Variants in NEK9 observed in about 807,000 individuals in gnomAD.
The protein encoded by NEK9 is NIMA related kinase 9.
A neutral mutation model predicts 123.4 loss-of-function variants in NEK9; 75 were observed. The observed-to-expected ratio is 0.61, with a 90% CI of 0.50 to 0.74. The LOEUF (loss-of-function observed/expected upper bound fraction) is 0.74. Among genes scored for constraint, NEK9 ranks in the 30% least tolerant of loss-of-function variants. NEK9 has a pLI of 0.00. For synonymous variants in NEK9, 438 were observed against 458.7 expected, an observed-to-expected ratio of 0.95 and a Z score of 0.58; for missense variants, 952 against 1,214.4, an observed-to-expected ratio of 0.78 and a Z score of 3.21.
intron 5 of NEK9, among the ~76,000 whole-genome samples, chr14:75,118,215 A>C (rs1895203473): frequency 6.6e-6 from 1 of 152,200 alleles, no homozygotes; most frequent in Non-Finnish European, 1.5e-5. Flanking sequence ...TTAAAAAAAA[A>C]ATTATTGGCC....
intron 10 of NEK9, among the ~76,000 whole-genome samples, chr14:75,109,006 A>C (rs997039979): frequency 3.3e-5 from 5 of 152,234 alleles, no homozygotes; most frequent in Non-Finnish European, 5.9e-5. Flanking sequence ...CAACTATGTC[A>C]AATGCTGCCG....
rs1286012917 is a variant in NEK9 at position 75,095,405 on chromosome 14, G to A, written c.2200C>T (p.Arg734Cys). ...VEKVLNSKTIRSNSSGLSIGT... is the reference protein window; with the variant it reads ...VEKVLNSKTICSNSSGLSIGT... ...ATGGATAAGCCACTGCTATTGGAAC[G>A]GATGGTCTTAGAATTCAATACTTTC... Residue 734 changes from arginine (R) to cysteine (C), a missense_variant, in exon 18 of 22, where the codon CGT (arginine) becomes TGT (cysteine). By Grantham distance (180) the Arg-to-Cys change is radical. Around this residue, in one of 4 missense-constraint regions of NEK9, gnomAD observed 698 missense variants for 875.6 expected, o/e 0.80. Transcript: ENST00000238616. The A allele has an allele frequency of 6.2e-6, 10 of 1,613,072 alleles. No individual in the cohort carries two copies. Among genetic ancestry groups the A allele is most frequent in the Admixed American group, 3.3e-5 (2 of 59,954 alleles).
chr14:75,114,444 T>C, intron 6 of NEK9, 131 bp from the exon 7 acceptor site: 1 of 687,782 alleles, frequency 1.5e-6, no homozygotes, highest in South Asian at 1.8e-5. Flanking sequence ...TTGTTATAAC[T>C]ACTAGTATGC....
chr14:75,120,747 G>A, intron 3 of NEK9, 167 bp from the exon 4 acceptor site: 1 of 596,808 alleles, frequency 1.7e-6, no homozygotes, highest in Non-Finnish European at 2.9e-6. Context: ...AAGTGAAGGG[G>A]TAAAAAACCA....
intron 18 of NEK9, among the ~76,000 whole-genome samples, chr14:75,091,937 T>C (rs1473733343): frequency 6.6e-6 from 1 of 152,166 alleles, no homozygotes; most frequent in African/African-American, 2.4e-5. Context: ...AAACTTACCA[T>C]TAACTCCCTG....
intron 14 of NEK9, among the ~76,000 whole-genome samples, chr14:75,102,489 C>T (rs1488625034): frequency 3.3e-5 from 5 of 150,340 alleles, no homozygotes; most frequent in South Asian, 2.1e-4. Flanking sequence ...CTGGGACTAC[C>T]GGTGCCCGCC....
At chr14:75,086,218 AAAAAT>A (rs1194121047) in intron 21 of NEK9, among the ~76,000 whole-genome samples, 53 of 149,700 alleles carry the variant, frequency 3.5e-4, no homozygotes, top group African/African-American at 1.1e-3. Flanking sequence ...AAATAAAAAT[AAAAAT>A]AAAATAATTT....
intron 17 of NEK9, chr14:75,096,838 A>C (rs1040564484): frequency 1.8e-5 from 6 of 324,838 alleles, no homozygotes; most frequent in African/African-American, 6.4e-5. Context: ...ACAAAAAAAA[A>C]CAACCAAAAA....
intron 3 of NEK9, 185 bp downstream of exon 3, chr14:75,120,934 G>A (rs956312487): frequency 1.6e-5 from 11 of 681,708 alleles, no homozygotes; most frequent in African/African-American, 8.9e-5. Context: ...GAGGTAAAAC[G>A]TTTAGGAAGC....
At chr14:75,106,864 A>C (rs1894794673) in intron 11 of NEK9, among the ~76,000 whole-genome samples, 162 bp from the exon 12 acceptor site, 1 of 152,334 alleles carries the variant, frequency 6.6e-6, no homozygotes, top group South Asian at 2.1e-4. Flanking sequence ...CTAGAGTTCT[A>C]TGTCAGAGAG....
At chr14:75,089,428 C>T (rs995958202) in intron 19 of NEK9, among the ~76,000 whole-genome samples, 1 of 152,144 alleles carries the variant, frequency 6.6e-6, no homozygotes, top group Non-Finnish European at 1.5e-5. Flanking sequence ...AGAGTTTCAC[C>T]ATGTTGGCCA....
intron 20 of NEK9, among the ~76,000 whole-genome samples, chr14:75,087,541 G>A (rs1427746896): frequency 6.6e-6 from 1 of 152,132 alleles, no homozygotes; most frequent in Non-Finnish European, 1.5e-5. Context: ...GCTGAAGTAG[G>A]GAAAAGCATG....
At position 75,091,262 on chromosome 14, in the gene NEK9, G is replaced by A. The variant is rs765758417; in HGVS notation, c.2442+8C>T. 10 of 1,602,668 alleles carry A rather than the reference G, an allele frequency of 6.2e-6. No individual in the cohort carries two copies. The highest frequency in any genetic ancestry group is 8.5e-6 in the Non-Finnish European group (10 of 1,175,660). On this transcript the variant is annotated splice_region_variant and intron_variant, in intron 19 of 21. Transcript: ENST00000238616. ...TTTTATCCAAGTTACTTCTTCCAAA[G>A]GAATTACCTTTCGAAGCCAGCCAGG... is the stretch of plus-strand genomic sequence containing the variant.
chr14:75,113,947 TA>T (rs5809693), intron 7 of NEK9, among the ~76,000 whole-genome samples: 150,638 of 152,304 alleles, frequency 0.99, 74,507 homozygotes, highest in East Asian at 1. Context: ...CTCTTGGTCA[TA>T]AAAAATCGAG....
chr14:75,124,759 T>G (rs1013866691), intron 1 of NEK9, among the ~76,000 whole-genome samples: 2 of 149,434 alleles, frequency 1.3e-5, no homozygotes, highest in African/African-American at 4.9e-5. Context: ...ATCCTGTAGC[T>G]CCTGATGTCT....
intron 6 of NEK9, among the ~76,000 whole-genome samples, chr14:75,116,040 G>C (rs1895131436): frequency 6.6e-6 from 1 of 152,122 alleles, no homozygotes; most frequent in Non-Finnish European, 1.5e-5. Context: ...AAGGGTTTTA[G>C]ACTACCTGGC....
intron 16 of NEK9, among the ~76,000 whole-genome samples, chr14:75,100,581 A>T (rs187925248): frequency 7.9e-5 from 12 of 152,340 alleles, no homozygotes; most frequent in African/African-American, 2.6e-4. Context: ...GTCCCTATGG[A>T]CATCACTGCA....
intron 2 of NEK9, among the ~76,000 whole-genome samples, chr14:75,123,308 G>C (rs1895403536): frequency 6.6e-6 from 1 of 152,076 alleles, no homozygotes; most frequent in African/African-American, 2.4e-5. Context: ...GGCTGAGGCA[G>C]GAGAATTGCT....
intron 21 of NEK9, among the ~76,000 whole-genome samples, chr14:75,086,187 AAAAAAT>A (rs149123282): frequency 0.5 from 72,107 of 145,160 alleles, 18,526 homozygotes; most frequent in East Asian, 0.84. Flanking sequence ...AGACTGTCTC[AAAAAAT>A]AAAAATAAAA....
Sources: gnomAD v4.1 joint callset for allele counts (sites outside exome capture counted in the v4.1 genomes callset) on GRCh38, gnomAD v4.1.1 for gene constraint, gnomAD v4.1.1 regional missense constraint, MANE v1.5 for transcripts, NCBI Gene and HGNC (gene_info 2026-07-23, HGNC 2026-07-21) for gene names.